The following MAB21L3 variants were observed in gnomAD, a reference collection of about 807,000 sequenced individuals.
MAB21L3 encodes the protein protein mab-21-like 3.
MAB21L3 carries 36 observed loss-of-function variants against 37.7 expected under a neutral mutation model. The observed-to-expected ratio is 0.96, with a 90% CI of 0.73 to 1.26. The LOEUF (loss-of-function observed/expected upper bound fraction) is 1.26, where lower values mean the gene tolerates loss of function less well. Among genes scored for constraint, MAB21L3 ranks in the 50% most tolerant of loss-of-function variants. The pLI is 0.00. For missense variants in MAB21L3, 430 were observed against 447.3 expected, an observed-to-expected ratio of 0.96 and a Z score of 0.35; for synonymous variants, 186 against 176.8, an observed-to-expected ratio of 1.05 and a Z score of -0.41.
intron 7 of MAB21L3, among the ~76,000 whole-genome samples, chr1:116,130,359 A>G (rs1660038503): frequency 6.6e-6 from 1 of 152,138 alleles, no homozygotes; most frequent in African/African-American, 2.4e-5. Flanking sequence ...ACAATAGGGC[A>G]TCCTCAAGGA....
intron 3 of MAB21L3, among the ~76,000 whole-genome samples, chr1:116,120,706 T>G (rs1659722374): frequency 6.6e-6 from 1 of 152,100 alleles, no homozygotes; most frequent in African/African-American, 2.4e-5. Flanking sequence ...TAGATAAATA[T>G]CAAATGAATG....
intron 5 of MAB21L3, among the ~76,000 whole-genome samples, chr1:116,125,926 T>A (rs972659354): frequency 6.6e-6 from 1 of 152,116 alleles, no homozygotes; most frequent in African/African-American, 2.4e-5. Flanking sequence ...CCTCTTATGC[T>A]GTGCGACATT....
chr1:116,133,050 C>A lies in MAB21L3; in HGVS notation c.856-82C>A, dbSNP rs867432812. 5 of 1,159,928 alleles carry A rather than the reference C, an allele frequency of 4.3e-6. No homozygotes were observed. The East Asian group carries it at 1.0e-4, about 23-fold the overall frequency. The allele number at this position is 1,159,928 out of a possible 1,614,324, so 71.9% of individuals were successfully genotyped here. On this transcript the variant is annotated intron_variant, in intron 7 of 7. Coordinates refer to ENST00000369500, the MANE Select transcript of MAB21L3 (RefSeq NM_152367.3). ...AACTCTTTTCTCCCTCCTTCCAAGG[C>A]CACATAAGCTCAATAATTGTTTCCA...
At position 116,128,255 on chromosome 1, in the gene MAB21L3, G is replaced by A. The variant is rs1378475869; in HGVS notation, c.771G>A (p.Arg257=). 5.0e-6 allele frequency: 8 copies of A among 1,614,054 alleles called. No homozygotes were observed. The South Asian group carries it at 5.5e-5, about 11-fold the overall frequency. ...TGGATGAAGATGGGGGCTGCCGTAG[G>A]AAGTGTTTTCAGGTCATGAGGCACC... The part of the protein sequence containing the change: ...EQLDEDGGCR[R]KCFQVMRHLK... Residue 257 remains arginine, a synonymous_variant, in exon 7 of 8, where the codon AGG becomes AGA. Coordinates refer to ENST00000369500, the MANE Select transcript of MAB21L3 (RefSeq NM_152367.3).
intron 4 of MAB21L3, among the ~76,000 whole-genome samples, chr1:116,123,294 T>C (rs1252809839): frequency 1.3e-5 from 2 of 152,188 alleles, no homozygotes; most frequent in African/African-American, 2.4e-5. Context: ...CTTTTTTCTT[T>C]AAGCTTAGAA....
chr1:116,128,014 C>T, intron 6 of MAB21L3, 131 bp from the exon 7 acceptor site: 1 of 960,176 alleles, frequency 1.0e-6, no homozygotes, highest in Non-Finnish European at 1.5e-6. Flanking sequence ...GCACCCCCTT[C>T]TCATCCCCAC....
Position 116,112,438 on chromosome 1 carries a change from A to G in MAB21L3, c.-178A>G. On this transcript the variant is annotated 5_prime_UTR_variant, in exon 3 of 8. Transcript: ENST00000369500. ...GATGGATTTTCACAATTTGGAAATA[A>G]AAACATGAGTGAAGGGTTCGGAAGG... 2.1e-6 allele frequency: 1 copy of G among 476,906 alleles called. No individual in the cohort carries two copies. The highest frequency in any genetic ancestry group is 3.3e-5 in the Admixed American group (1 of 30,640). 29.5% of individuals were successfully genotyped at this position (476,906 alleles called of 1,614,324 possible).
intron 4 of MAB21L3, among the ~76,000 whole-genome samples, chr1:116,123,286 T>A (rs895656024): frequency 2.6e-5 from 4 of 152,188 alleles, no homozygotes; most frequent in Admixed American, 2.0e-4. Context: ...ATTGTTTGCT[T>A]TTTTCTTTAA....
intron 7 of MAB21L3, among the ~76,000 whole-genome samples, chr1:116,132,669 G>A (rs1232864258): frequency 1.3e-5 from 2 of 152,146 alleles, no homozygotes; most frequent in Admixed American, 1.3e-4. Flanking sequence ...TTGCAGGAGA[G>A]CTCTCAACTT....
In MAB21L3 at chr1:116,137,917, G is replaced by A. The variant is rs1295002024; in HGVS notation, c.*4552G>A. Among the ~76,000 whole-genome samples, 1 of 142,110 alleles carries A rather than the reference G, an allele frequency of 7.0e-6. No individual in the cohort carries two copies. The highest frequency in any genetic ancestry group is 1.5e-5 in the Non-Finnish European group (1 of 66,622). 93.2% of individuals were successfully genotyped at this position (142,110 alleles called of 152,430 possible). A position where few individuals can be genotyped will look rare whatever the true frequency, so the allele number is the denominator to read the frequency against. ...ATATTCTCACTCATAGGTGGGAATTGAACAATGAGAACACATGGACACATT... is the reference window on the plus strand; with the variant it reads ...ATATTCTCACTCATAGGTGGGAATTAAACAATGAGAACACATGGACACATT... On this transcript the variant is annotated 3_prime_UTR_variant, in exon 8 of 8. Coordinates refer to ENST00000369500, the MANE Select transcript of MAB21L3 (RefSeq NM_152367.3).
In MAB21L3 at chr1:116,135,105, G is replaced by C. The variant is rs1660173984; in HGVS notation, c.*1740G>C. On this transcript the variant is annotated 3_prime_UTR_variant, in exon 8 of 8. Transcript: ENST00000369500. ...GAGCAAACACATTCAAAAGCTAGCA[G>C]AAGGCAAGAAATAACTAAAATCAGA... 1 of 151,988 alleles carries C rather than the reference G, an allele frequency of 6.6e-6. No individual in the cohort carries two copies. Among genetic ancestry groups the C allele is most frequent in the Non-Finnish European group, 1.5e-5 (1 of 68,002 alleles). The allele number at this position is 151,988 out of a possible 1,614,324, so 9.4% of individuals were successfully genotyped here. A position where few individuals can be genotyped will look rare whatever the true frequency, so the allele number is the denominator to read the frequency against.
chr1:116,118,702 A>G (rs1299334213), intron 3 of MAB21L3, among the ~76,000 whole-genome samples: 4 of 152,224 alleles, frequency 2.6e-5, no homozygotes, highest in Non-Finnish European at 5.9e-5. Flanking sequence ...TTGCACAGGC[A>G]TGAGGAGCAC....
Position 116,128,150 on chromosome 1 carries a change from T to C in MAB21L3, c.666T>C (p.Phe222=), listed in dbSNP as rs141623000. The C allele has an allele frequency of 1.3e-4, 203 of 1,608,558 alleles. No homozygotes were observed. The African/African-American group carries it at 2.6e-3, about 20-fold the overall frequency. Residue 222 remains phenylalanine, a synonymous_variant, in exon 7 of 8, where the codon TTT becomes TTC. Transcript: ENST00000369500. ...SQERVECIKS[F]GFNLLACSNY... ...TATTTTTCTCTTTCTTCCAGTCGTTTGGATTTAACTTGTTGGCCTGTTCAA... is the reference window on the plus strand; with the variant it reads ...TATTTTTCTCTTTCTTCCAGTCGTTCGGATTTAACTTGTTGGCCTGTTCAA...
intron 7 of MAB21L3, among the ~76,000 whole-genome samples, chr1:116,131,382 G>A (rs1262193854): frequency 1.3e-5 from 2 of 152,216 alleles, no homozygotes; most frequent in Non-Finnish European, 2.9e-5. Context: ...TACATGAAGA[G>A]AGCAAGGGAG....
In MAB21L3 at chr1:116,138,030, G is replaced by A. The variant is rs1413392888; in HGVS notation, c.*4665G>A. Among the ~76,000 whole-genome samples the A allele has an allele frequency of 1.3e-5, 2 of 149,450 alleles. No individual in the cohort carries two copies. Among genetic ancestry groups the A allele is most frequent in the African/African-American group, 4.9e-5 (2 of 40,528 alleles). ...GGAGATATACCTAATGCTAGATGAC[G>A]AGTTAGTGGGTGCAGCGCACCAGCA... On this transcript the variant is annotated 3_prime_UTR_variant, in exon 8 of 8. Coordinates refer to ENST00000369500, the MANE Select transcript of MAB21L3 (RefSeq NM_152367.3).
rs113760206 is a variant in MAB21L3 at position 116,120,428 on chromosome 1, C to CACACACACACACAG, written c.49-501_49-500insCACACACACAGACA. Among the ~76,000 whole-genome samples the CACACACACACACAG allele has an allele frequency of 6.0e-3, 905 of 149,688 alleles. 10 individuals carry two copies. Among genetic ancestry groups the CACACACACACACAG allele is most frequent in the African/African-American group, 0.021 (848 of 40,206 alleles). Reference sequence around the variant, plus strand: ...ACACACACACACACACACACACACACACAAACACACACACACACACATATA... The same window carrying CACACACACACACAG: ...ACACACACACACACACACACACACACACACACACACACAGACAAACACACACACACACACATATA... On this transcript the variant is annotated intron_variant, in intron 3 of 7. Transcript: ENST00000369500.
rs1298060678 is a variant in MAB21L3 at position 116,136,469 on chromosome 1, A to T, written c.*3104A>T. ...ACTACAAACCACTGCTCAATGAAAT[A>T]AAAGAGGATACAAACAAATGGAAGA... On this transcript the variant is annotated 3_prime_UTR_variant, in exon 8 of 8. Transcript: ENST00000369500. 6.6e-6 allele frequency among the ~76,000 whole-genome samples: 1 copy of T among 152,122 alleles called. No individual in the cohort carries two copies. The highest frequency in any genetic ancestry group is 2.4e-5 in the African/African-American group (1 of 41,442).
At position 116,133,611 on chromosome 1, in the gene MAB21L3, A is replaced by C. The variant is rs1570816509; in HGVS notation, c.*246A>C. ...AATTCTCCTGGAGACAGCTCTCATCAGGCTTCCCCAGGCACAGATTTGGAA... is the reference window on the plus strand; with the variant it reads ...AATTCTCCTGGAGACAGCTCTCATCCGGCTTCCCCAGGCACAGATTTGGAA... On this transcript the variant is annotated 3_prime_UTR_variant, in exon 8 of 8. Transcript: ENST00000369500. 1.8e-6 allele frequency: 1 copy of C among 559,524 alleles called. No individual in the cohort carries two copies. The highest frequency in any genetic ancestry group is 3.1e-5 in the Admixed American group (1 of 32,124). The allele number at this position is 559,524 out of a possible 1,614,324, so 34.7% of individuals were successfully genotyped here. A position where few individuals can be genotyped will look rare whatever the true frequency, so the allele number is the denominator to read the frequency against.
At chr1:116,120,700 T>C (rs1309533254) in intron 3 of MAB21L3, among the ~76,000 whole-genome samples, 1 of 152,102 alleles carries the variant, frequency 6.6e-6, no homozygotes, top group East Asian at 1.9e-4. Flanking sequence ...AGGTCCTAGA[T>C]AAATATCAAA....
Sources: gnomAD v4.1 joint callset for allele counts (sites outside exome capture counted in the v4.1 genomes callset) on GRCh38, gnomAD v4.1.1 for gene constraint, MANE v1.5 for transcripts, NCBI Gene and HGNC (gene_info 2026-07-23, HGNC 2026-07-21) for gene names.